The following GALNT13 variants were observed in gnomAD, a reference collection of about 807,000 sequenced individuals.
GALNT13 encodes UDP-GalNAc:polypeptide N-acetylgalactosaminyltransferase 13.
Under a neutral mutation model 64.2 loss-of-function variants are expected in GALNT13, and 28 were observed. The ratio of observed to expected loss-of-function variants is 0.44; its 90% CI spans 0.32 to 0.60. The LOEUF is 0.60. Among genes scored for constraint, GALNT13 ranks in the 20% least tolerant of loss-of-function variants. The pLI, the probability that GALNT13 is intolerant of heterozygous loss-of-function variation, is 0.05. For synonymous variants in GALNT13, 214 were observed against 224.6 expected, an observed-to-expected ratio of 0.95 and a Z score of 0.42; for missense variants, 577 against 669.8, an observed-to-expected ratio of 0.86 and a Z score of 1.53.
the GALNT13 span, among the ~76,000 whole-genome samples, chr2:153,650,564 G>A: frequency 6.6e-6 from 1 of 152,128 alleles, no homozygotes; most frequent in Admixed American, 6.6e-5. Flanking sequence ...TAGCACTGAT[G>A]GTCTTTACAA....
At chr2:153,436,073 C>T in the GALNT13 span, among the ~76,000 whole-genome samples, 2 of 152,168 alleles carry the variant, frequency 1.3e-5, no homozygotes, top group Admixed American at 6.5e-5. Flanking sequence ...TTTTCTGCAT[C>T]TATTGAGATA....
At chr2:153,449,489 A>T in the GALNT13 span, among the ~76,000 whole-genome samples, 1 of 151,964 alleles carries the variant, frequency 6.6e-6, no homozygotes, top group Non-Finnish European at 1.5e-5. Context: ...GCTCCCTTCC[A>T]TTGTCCCTCC....
At chr2:153,648,365 G>C in the GALNT13 span, among the ~76,000 whole-genome samples, 1 of 152,144 alleles carries the variant, frequency 6.6e-6, no homozygotes, top group South Asian at 2.1e-4. Context: ...GGAGATTTGG[G>C]CTGAGACGAT....
chr2:154,166,384 A>C (rs148191584), intron 4 of GALNT13, among the ~76,000 whole-genome samples: 26 of 152,348 alleles, frequency 1.7e-4, no homozygotes, highest in African/African-American at 6.0e-4. Flanking sequence ...CAGCCTGGGC[A>C]ATGAAGTGAG....
intron 9 of GALNT13, among the ~76,000 whole-genome samples, chr2:154,362,544 T>C (rs910836043): frequency 6.6e-6 from 1 of 151,808 alleles, no homozygotes; most frequent in South Asian, 2.1e-4. Context: ...CCAGTCTTTC[T>C]AGTCAAAGTC....
At chr2:153,161,916 G>A in the GALNT13 span, among the ~76,000 whole-genome samples, 20 of 152,310 alleles carry the variant, frequency 1.3e-4, no homozygotes, top group East Asian at 5.8e-4. Context: ...AAAGAATGGC[G>A]GGAAGGCAGA....
chr2:153,542,368 AAC>A, the GALNT13 span, among the ~76,000 whole-genome samples: 22,621 of 147,744 alleles, frequency 0.15, 4,180 homozygotes, highest in African/African-American at 0.44. Context: ...ACAAAAAAAA[AAC>A]CGGAAGTAGA....
At chr2:154,267,517 G>A (rs1217660529) in intron 8 of GALNT13, among the ~76,000 whole-genome samples, 1 of 152,100 alleles carries the variant, frequency 6.6e-6, no homozygotes, top group Admixed American at 6.5e-5. Context: ...GTGGGCGCCT[G>A]TAATCCCACC....
At chr2:153,100,862 C>G in the GALNT13 span, among the ~76,000 whole-genome samples, 1 of 152,076 alleles carries the variant, frequency 6.6e-6, no homozygotes, top group Admixed American at 6.6e-5. Context: ...AACCCCATCT[C>G]TACTAAAAAA....
chr2:153,911,699 A>C (rs1688952812), intron 2 of GALNT13, among the ~76,000 whole-genome samples: 1 of 152,064 alleles, frequency 6.6e-6, no homozygotes, highest in African/African-American at 2.4e-5. Context: ...ATTCTTGGTC[A>C]GAATTTATCT....
chr2:153,157,185 T>C, the GALNT13 span, among the ~76,000 whole-genome samples: 6 of 152,340 alleles, frequency 3.9e-5, no homozygotes, highest in Middle Eastern at 3.4e-3. Flanking sequence ...TCCCAAACCT[T>C]ATTTTTAATA....
At chr2:153,321,011 A>T in the GALNT13 span, among the ~76,000 whole-genome samples, 3 of 152,282 alleles carry the variant, frequency 2.0e-5, no homozygotes, top group East Asian at 1.9e-4. Context: ...ACTGAGCCTT[A>T]ATATAGCTCA....
the GALNT13 span, among the ~76,000 whole-genome samples, chr2:153,521,455 C>T: frequency 0.011 from 1,637 of 152,198 alleles, 30 homozygotes; most frequent in African/African-American, 0.037. Flanking sequence ...ATATCCCTTC[C>T]GTCTACACAT....
chr2:153,419,456 C>T, the GALNT13 span, among the ~76,000 whole-genome samples: 5 of 152,126 alleles, frequency 3.3e-5, no homozygotes, highest in South Asian at 2.1e-4. Flanking sequence ...ATATATCCTC[C>T]GTGATTCCAC....
intron 4 of GALNT13, among the ~76,000 whole-genome samples, chr2:154,194,585 T>C (rs1244706660): frequency 6.6e-6 from 1 of 152,152 alleles, no homozygotes; most frequent in African/African-American, 2.4e-5. Flanking sequence ...TTTCCCCCAG[T>C]ATTTCCACTG....
chr2:154,011,572 A>G (rs147080921), intron 3 of GALNT13, among the ~76,000 whole-genome samples: 111 of 152,180 alleles, frequency 7.3e-4, no homozygotes, highest in African/African-American at 2.6e-3. Flanking sequence ...AGTTCTGTAG[A>G]TTATCTGTTA....
the GALNT13 span, among the ~76,000 whole-genome samples, chr2:153,284,604 G>A: frequency 6.6e-6 from 1 of 152,150 alleles, no homozygotes; most frequent in Admixed American, 6.5e-5. Flanking sequence ...GGGAAACAGT[G>A]TTCTCCATCA....
At chr2:153,436,738 A>T in the GALNT13 span, among the ~76,000 whole-genome samples, 1 of 152,094 alleles carries the variant, frequency 6.6e-6, no homozygotes, top group African/African-American at 2.4e-5. Flanking sequence ...TAGTCTTGCT[A>T]ACAGTCTATC....
chr2:153,745,744 A>G, the GALNT13 span, among the ~76,000 whole-genome samples: 2 of 152,164 alleles, frequency 1.3e-5, no homozygotes, highest in African/African-American at 4.8e-5. Context: ...TTTTTGAAAC[A>G]TGGTCACACT....
Sources: gnomAD v4.1 joint callset for allele counts (sites outside exome capture counted in the v4.1 genomes callset) on GRCh38, gnomAD v4.1.1 for gene constraint, MANE v1.5 for transcripts, NCBI Gene and HGNC (gene_info 2026-07-23, HGNC 2026-07-21) for gene names.